The following FAT3 variants were observed in gnomAD, a reference collection of about 807,000 sequenced individuals.
The protein encoded by FAT3 is protocadherin Fat 3.
FAT3 carries 95 observed loss-of-function variants against 310.2 expected under a neutral mutation model. The observed-to-expected ratio is 0.31, with a 90% CI of 0.26 to 0.36. The LOEUF (loss-of-function observed/expected upper bound fraction) is 0.36. FAT3 is among the 10% of genes least tolerant of loss of function. The probability of loss-of-function intolerance (pLI) is 1.00; values close to 1 mark genes in which losing one functional copy is unlikely to be tolerated. For synonymous variants in FAT3, 2,314 were observed against 2,192.9 expected (o/e 1.06, Z -1.54); for missense variants, 5,408 against 5,715.6 (o/e 0.95, Z 1.74).
intron 13 of FAT3, among the ~76,000 whole-genome samples, chr11:92,825,745 C>T (rs1948085053): frequency 6.6e-6 from 1 of 152,054 alleles, no homozygotes; most frequent in South Asian, 2.1e-4. Context: ...TGGGGCAAGC[C>T]TGGATCCAGA....
At chr11:92,232,408 C>G (rs192111607) in intron 1 of FAT3, among the ~76,000 whole-genome samples, 1 of 152,152 alleles carries the variant, frequency 6.6e-6, no homozygotes, top group Non-Finnish European at 1.5e-5. Context: ...GAAAAATATG[C>G]CTGGAATTGA....
intron 3 of FAT3, among the ~76,000 whole-genome samples, chr11:92,535,423 C>T (rs879246768): frequency 6.6e-6 from 1 of 152,164 alleles, no homozygotes; most frequent in Admixed American, 6.6e-5. Context: ...TTTTAAGCTA[C>T]CCAGTTTGTG....
intron 4 of FAT3, among the ~76,000 whole-genome samples, chr11:92,721,149 G>A (rs1219426778): frequency 1.3e-5 from 2 of 152,096 alleles, no homozygotes; most frequent in Non-Finnish European, 1.5e-5. Flanking sequence ...GTGTCCAATA[G>A]CATGTTTGTT....
intron 19 of FAT3, among the ~76,000 whole-genome samples, chr11:92,847,947 G>T (rs143778576): frequency 6.6e-6 from 1 of 151,686 alleles, no homozygotes; most frequent in Non-Finnish European, 1.5e-5. Context: ...ACACAGACGT[G>T]CACCCACAGG....
intron 4 of FAT3, among the ~76,000 whole-genome samples, chr11:92,750,492 G>A (rs769596455): frequency 7.2e-5 from 11 of 152,172 alleles, no homozygotes; most frequent in East Asian, 1.9e-4. Context: ...CTGAGCAGAG[G>A]AGCTTGGCTT....
chr11:92,621,781 G>A lies in FAT3; in HGVS notation c.3608-75603G>A, dbSNP rs1941098923. On this transcript the variant is annotated intron_variant, in intron 3 of 27. Transcript: ENST00000525166. ...GTATATTAAGAATGGCATTAAAATT[G>A]TATATGCTTGTAATAAAAGCCAACC... Among the ~76,000 whole-genome samples the A allele has an allele frequency of 2.0e-5, 3 of 152,160 alleles. No individual in the cohort carries two copies. The South Asian group carries it at 6.2e-4, about 32-fold the overall frequency.
chr11:92,229,514 G>GTTTTTTTTTTTTTTTTTT (rs1241053262), intron 1 of FAT3, among the ~76,000 whole-genome samples: 1 of 59,306 alleles, frequency 1.7e-5, no homozygotes, highest in Admixed American at 3.0e-4. Flanking sequence ...TTTGTTTTTT[G>GTTTTTTTTTTTTTTTTTT]TTTTTTTTTA....
chr11:92,442,111 A>ATT lies in FAT3; in HGVS notation c.3293-82504_3293-82503dup, dbSNP rs869097021. On this transcript the variant is annotated intron_variant, in intron 2 of 27. Transcript: ENST00000525166. ...TATATATATATATATATATATATATATTTTTTTTTTTTTTTTTTTTGAGAT... is the reference window on the plus strand; with the variant it reads ...TATATATATATATATATATATATATATTTTTTTTTTTTTTTTTTTTTTGAGAT... Among the ~76,000 whole-genome samples the ATT allele has an allele frequency of 2.8e-3, 127 of 45,184 alleles. 3 individuals carry two copies. The highest frequency in any genetic ancestry group is 5.5e-3 in the African/African-American group (30 of 5,460). 29.6% of individuals were successfully genotyped at this position (45,184 alleles called of 152,430 possible). A position where few individuals can be genotyped will look rare whatever the true frequency, so the allele number is the denominator to read the frequency against.
intron 1 of FAT3, among the ~76,000 whole-genome samples, chr11:92,294,130 G>T (rs1394846569): frequency 1.3e-5 from 2 of 152,076 alleles, no homozygotes; most frequent in Non-Finnish European, 2.9e-5. Context: ...TCTGATGAGG[G>T]CTCTCTTCCT....
At chr11:92,745,781 T>A (rs1945648440) in intron 4 of FAT3, among the ~76,000 whole-genome samples, 1 of 152,198 alleles carries the variant, frequency 6.6e-6, no homozygotes, top group Non-Finnish European at 1.5e-5. Context: ...TTCATTGTCC[T>A]GAAATGCAAG....
intron 3 of FAT3, among the ~76,000 whole-genome samples, chr11:92,532,465 A>G (rs1388688557): frequency 6.6e-6 from 1 of 152,208 alleles, no homozygotes; most frequent in Admixed American, 6.5e-5. Context: ...TTAAAAATTT[A>G]AAAGAGAAGA....
At chr11:92,410,916 T>C (rs1375187396) in intron 2 of FAT3, among the ~76,000 whole-genome samples, 2 of 151,690 alleles carry the variant, frequency 1.3e-5, no homozygotes, top group African/African-American at 4.8e-5. Context: ...GAAATTTTTA[T>C]ATATCATACT....
intron 13 of FAT3, among the ~76,000 whole-genome samples, chr11:92,821,078 T>A (rs2136234488): frequency 6.6e-6 from 1 of 152,302 alleles, no homozygotes; most frequent in African/African-American, 2.4e-5. Flanking sequence ...GTTGCTATTC[T>A]CATGGATTCA....
intron 3 of FAT3, among the ~76,000 whole-genome samples, chr11:92,527,369 G>C (rs1051638960): frequency 1.3e-5 from 2 of 152,154 alleles, no homozygotes; most frequent in African/African-American, 4.8e-5. Context: ...CCTTTGCACA[G>C]TGCCTGGTGC....
intron 2 of FAT3, among the ~76,000 whole-genome samples, chr11:92,510,110 A>G (rs1953242906): frequency 6.6e-6 from 1 of 152,166 alleles, no homozygotes; most frequent in Non-Finnish European, 1.5e-5. Flanking sequence ...CATTATCGTC[A>G]GAAAATATTT....
intron 3 of FAT3, among the ~76,000 whole-genome samples, chr11:92,605,743 T>TTA (rs1940257866): frequency 6.7e-6 from 1 of 149,688 alleles, no homozygotes; most frequent in African/African-American, 2.5e-5. Context: ...TTTTTTTTTT[T>TTA]ACAAATGAGA....
Position 92,844,159 on chromosome 11 carries a change from G to C in FAT3, c.10792G>C (p.Val3598Leu). 5 of 1,614,024 alleles carry C rather than the reference G, an allele frequency of 3.1e-6. No individual in the cohort carries two copies. Among genetic ancestry groups the C allele is most frequent in the Non-Finnish European group, 4.2e-6 (5 of 1,179,904 alleles). ...ATCGGAGCAGAAAAGCTTATTTAAA[G>C]TGAACAGTCACGATGGGAAAATCAT... ...LKSEQKSLFK[V>L]NSHDGKIIAL... The change falls in exon 19 of 28, where the codon GTG (valine) becomes CTG (leucine). Residue 3598 changes from valine (V) to leucine (L), a missense_variant. Transcript: ENST00000525166.
intron 2 of FAT3, among the ~76,000 whole-genome samples, chr11:92,487,809 A>G (rs1952464815): frequency 6.6e-6 from 1 of 152,144 alleles, no homozygotes; most frequent in Admixed American, 6.5e-5. Context: ...TCTCAAATCC[A>G]TAGTCTGGAC....
intron 2 of FAT3, among the ~76,000 whole-genome samples, chr11:92,421,178 A>G (rs1360767392): frequency 3.3e-5 from 5 of 152,202 alleles, no homozygotes; most frequent in Admixed American, 2.6e-4. Flanking sequence ...GTCAAATACC[A>G]CTTTTAATGT....
Sources: gnomAD v4.1 joint callset for allele counts (sites outside exome capture counted in the v4.1 genomes callset) on GRCh38, gnomAD v4.1.1 for gene constraint, MANE v1.5 for transcripts, NCBI Gene and HGNC (gene_info 2026-07-23, HGNC 2026-07-21) for gene names.